The following MTMR3 variants were observed in gnomAD, a reference collection of about 807,000 sequenced individuals.
MTMR3 encodes phosphatidylinositol-3,5-bisphosphate 3-phosphatase MTMR3.
Under a neutral mutation model 132.4 loss-of-function variants are expected in MTMR3, and 32 were observed. The observed-to-expected ratio is 0.24, with a 90% CI of 0.18 to 0.32. MTMR3 has a LOEUF of 0.32. MTMR3 is among the 10% of genes least tolerant of loss of function. The probability of loss-of-function intolerance (pLI) is 1.00; values close to 1 mark genes in which losing one functional copy is unlikely to be tolerated. For synonymous variants in MTMR3, 556 were observed against 550.3 expected, an observed-to-expected ratio of 1.01 and a Z score of -0.14; for missense variants, 1,216 against 1,489.6, an observed-to-expected ratio of 0.82 and a Z score of 3.02.
chr22:29,906,245 CGTCT>C (rs57375920), intron 1 of MTMR3, among the ~76,000 whole-genome samples: 14,915 of 105,676 alleles, frequency 0.14, 818 homozygotes, highest in East Asian at 0.17. Context: ...TCCATCCATC[CGTCT>C]GTCTGTCTGT....
At position 30,008,611 on chromosome 22, in the gene MTMR3, A is replaced by G. The variant is rs569816754; in HGVS notation, c.1010-407A>G. 24 of 168,788 alleles carry G rather than the reference A, an allele frequency of 1.4e-4. No homozygotes were observed. The South Asian group carries it at 3.4e-3, about 24-fold the overall frequency. 10.5% of individuals were successfully genotyped at this position (168,788 alleles called of 1,614,324 possible). On this transcript the variant is annotated intron_variant, in intron 11 of 19. Transcript: ENST00000401950. Reference sequence around the variant, plus strand: ...TGTTCAGATGTGGTCTAAGCTGGAAATTGAAAGCAGCTGTACCAAGGTGAA... The same window carrying G: ...TGTTCAGATGTGGTCTAAGCTGGAAGTTGAAAGCAGCTGTACCAAGGTGAA...
intron 2 of MTMR3, among the ~76,000 whole-genome samples, chr22:29,961,561 G>A (rs922932265): frequency 1.3e-5 from 2 of 152,144 alleles, no homozygotes; most frequent in South Asian, 2.1e-4. Context: ...CCCAAGATAC[G>A]ATGGTAGCCT....
At chr22:29,961,940 C>T (rs150025104) in intron 2 of MTMR3, among the ~76,000 whole-genome samples, 93 of 152,306 alleles carry the variant, frequency 6.1e-4, no homozygotes, top group African/African-American at 2.2e-3. Context: ...ACATGCTGTG[C>T]AGGTTTGTAG....
At chr22:29,945,971 G>A (rs1478309003) in intron 1 of MTMR3, among the ~76,000 whole-genome samples, 1 of 151,946 alleles carries the variant, frequency 6.6e-6, no homozygotes, top group Non-Finnish European at 1.5e-5. Context: ...TTTGACCAGA[G>A]TAGTTATGTT....
intron 1 of MTMR3, among the ~76,000 whole-genome samples, chr22:29,940,246 G>A (rs966864638): frequency 6.6e-6 from 1 of 152,064 alleles, no homozygotes; most frequent in African/African-American, 2.4e-5. Context: ...CCAGCCTGGG[G>A]GACAGAGCGA....
In MTMR3 at chr22:30,020,329, C is replaced by G. The variant is rs759270244; in HGVS notation, c.2670C>G (p.Val890=). 1 of 1,614,174 alleles carries G rather than the reference C, an allele frequency of 6.2e-7. No homozygotes were observed. Among genetic ancestry groups the G allele is most frequent in the East Asian group, 2.2e-5 (1 of 44,882 alleles). Reference sequence around the variant, plus strand: ...CCAGCCCTTCAGAGACAAGCCTGGTCGAGAGGCCCCAAGTGGGGTCTGTGG... The same window carrying G: ...CCAGCCCTTCAGAGACAAGCCTGGTGGAGAGGCCCCAAGTGGGGTCTGTGG... ...MEPSPSETSL[V]ERPQVGSVVH... The change falls in exon 17 of 20, where the codon GTC becomes GTG. Residue 890 remains valine, a synonymous_variant. Coordinates refer to ENST00000401950, the MANE Select transcript of MTMR3 (RefSeq NM_021090.4).
intron 1 of MTMR3, among the ~76,000 whole-genome samples, chr22:29,928,044 G>A (rs112714390): frequency 0.016 from 2,412 of 147,730 alleles, 66 homozygotes; most frequent in African/African-American, 0.057. Context: ...GGGTTCAAGC[G>A]ATTCTCCTGC....
At chr22:29,959,227 G>T (rs2066259789) in intron 2 of MTMR3, among the ~76,000 whole-genome samples, 1 of 152,046 alleles carries the variant, frequency 6.6e-6, no homozygotes, top group African/African-American at 2.4e-5. Flanking sequence ...GAAGCATGCA[G>T]GTTCCAGCTG....
At chr22:29,928,113 AT>A (rs1344299004) in intron 1 of MTMR3, among the ~76,000 whole-genome samples, 1 of 146,354 alleles carries the variant, frequency 6.8e-6, no homozygotes, top group Non-Finnish European at 1.5e-5. Flanking sequence ...TCTAGCCATC[AT>A]TTTTAATCCC....
chr22:29,996,247 A>G (rs1351959989), intron 7 of MTMR3: 2 of 152,262 alleles, frequency 1.3e-5, no homozygotes, highest in Admixed American at 6.5e-5. Context: ...CTTAGAGGAT[A>G]TAAAAATAAT....
intron 1 of MTMR3, among the ~76,000 whole-genome samples, chr22:29,884,176 T>C (rs1251218657): frequency 6.6e-6 from 1 of 152,166 alleles, no homozygotes; most frequent in Non-Finnish European, 1.5e-5. Context: ...CATATTGATG[T>C]TCAAATGTCC....
At chr22:29,900,985 C>G (rs1223953622) in intron 1 of MTMR3, among the ~76,000 whole-genome samples, 1 of 152,166 alleles carries the variant, frequency 6.6e-6, no homozygotes, top group Non-Finnish European at 1.5e-5. Flanking sequence ...CTGCGTCCGG[C>G]CTAAGCCTGT....
chr22:29,889,062 G>A (rs2064739025), intron 1 of MTMR3, among the ~76,000 whole-genome samples: 1 of 151,898 alleles, frequency 6.6e-6, no homozygotes, highest in Non-Finnish European at 1.5e-5. Context: ...AGACAAGATG[G>A]TTATAACTTG....
At chr22:29,984,732 T>C (rs982367198) in intron 5 of MTMR3, 1 of 152,248 alleles carries the variant, frequency 6.6e-6, no homozygotes, top group Non-Finnish European at 1.5e-5. Flanking sequence ...AGTGAGTTTA[T>C]CTTGCTACTC....
intron 1 of MTMR3, among the ~76,000 whole-genome samples, chr22:29,916,154 C>A (rs1292272588): frequency 6.6e-6 from 1 of 152,056 alleles, no homozygotes; most frequent in Non-Finnish European, 1.5e-5. Context: ...TGTAGAGGAG[C>A]CTTTGCCCTC....
At chr22:29,926,041 A>C (rs1215689556) in intron 1 of MTMR3, among the ~76,000 whole-genome samples, 5 of 152,218 alleles carry the variant, frequency 3.3e-5, no homozygotes, top group African/African-American at 1.2e-4. Context: ...TGTAGCAGTT[A>C]TTCCACTTTC....
rs566972974 is a variant in MTMR3 at position 30,020,162 on chromosome 22, T to C, written c.2503T>C (p.Phe835Leu). ...SCSLLPSQVPFETRGPNVDSS... is the reference protein window; with the variant it reads ...SCSLLPSQVPLETRGPNVDSS... Reference sequence around the variant, plus strand: ...TTCTCTGCTACCTTCCCAAGTCCCTTTTGAGACCAGAGGACCAAACGTGGA... The same window carrying C: ...TTCTCTGCTACCTTCCCAAGTCCCTCTTGAGACCAGAGGACCAAACGTGGA... Residue 835 changes from phenylalanine to leucine, a missense_variant, in exon 17 of 20, where the codon TTT becomes CTT. Around this residue, in one of 7 missense-constraint regions of MTMR3, gnomAD observed 852 missense variants for 852.0 expected, o/e 1.00. Coordinates refer to ENST00000401950, the MANE Select transcript of MTMR3 (RefSeq NM_021090.4). 4 of 1,614,242 alleles carry C rather than the reference T, an allele frequency of 2.5e-6. No individual in the cohort carries two copies. In the Admixed American group the frequency reaches 5.0e-5, roughly 20 times the overall value.
chr22:29,981,048 T>C (rs1382468727), intron 5 of MTMR3: 1 of 152,272 alleles, frequency 6.6e-6, no homozygotes, highest in Non-Finnish European at 1.5e-5. Context: ...GTTCAGGTGA[T>C]AACTTCTCCT....
At chr22:29,965,613 A>G (rs1446857303) in intron 2 of MTMR3, among the ~76,000 whole-genome samples, 1 of 152,212 alleles carries the variant, frequency 6.6e-6, no homozygotes, top group Non-Finnish European at 1.5e-5. Context: ...TGAATCCGGG[A>G]GGCAGAGGTT....
Sources: allele counts gnomAD v4.1 joint callset (sites outside exome capture counted in the v4.1 genomes callset), GRCh38; gene constraint gnomAD v4.1.1; regional missense constraint gnomAD v4.1.1; transcripts MANE v1.5; gene names NCBI Gene and HGNC (gene_info 2026-07-23, HGNC 2026-07-21).